The following OSBPL2 variants were observed in gnomAD, a reference collection of about 807,000 sequenced individuals.
OSBPL2 encodes the protein oxysterol-binding protein-related protein 2.
OSBPL2 carries 18 observed loss-of-function variants against 58.4 expected under a neutral mutation model. The observed-to-expected ratio is 0.31, with a 90% CI of 0.21 to 0.46. The LOEUF is 0.46. Ranked by LOEUF, OSBPL2 falls within the 20% of genes least tolerant of loss-of-function variation. The probability of loss-of-function intolerance (pLI) is 1.00; values close to 1 mark genes in which losing one functional copy is unlikely to be tolerated. For missense variants in OSBPL2, 461 were observed against 616.5 expected (o/e 0.75, Z 2.67); for synonymous variants, 221 against 234.1 (o/e 0.94, Z 0.51).
intron 1 of OSBPL2, among the ~76,000 whole-genome samples, chr20:62,245,731 C>G (rs1980060868): frequency 6.6e-6 from 1 of 152,224 alleles, no homozygotes; most frequent in Non-Finnish European, 1.5e-5. Context: ...GTGCCTCACT[C>G]GTGACGGGCT....
At chr20:62,254,902 A>G (rs913844251) in intron 1 of OSBPL2, among the ~76,000 whole-genome samples, 3 of 152,206 alleles carry the variant, frequency 2.0e-5, no homozygotes, top group South Asian at 2.1e-4. Context: ...AGCAGCCTCA[A>G]TTCTCTAGAA....
At chr20:62,262,740 C>CT (rs1427597338) in intron 3 of OSBPL2, among the ~76,000 whole-genome samples, 4 of 152,228 alleles carry the variant, frequency 2.6e-5, no homozygotes, top group Admixed American at 6.5e-5. Flanking sequence ...TTTCATCACT[C>CT]TGGAGGTCAG....
At chr20:62,239,496 C>A (rs1308869383) in intron 1 of OSBPL2, among the ~76,000 whole-genome samples, 1 of 152,190 alleles carries the variant, frequency 6.6e-6, no homozygotes, top group Non-Finnish European at 1.5e-5. Flanking sequence ...AGGGGCGTTT[C>A]TATCTGAACC....
intron 1 of OSBPL2, among the ~76,000 whole-genome samples, chr20:62,249,893 G>C (rs944834024): frequency 6.6e-6 from 1 of 152,222 alleles, no homozygotes; most frequent in Non-Finnish European, 1.5e-5. Flanking sequence ...CCTCTGAGAA[G>C]TCCAGGGGTG....
intron 1 of OSBPL2, among the ~76,000 whole-genome samples, chr20:62,246,406 G>C (rs1340033421): frequency 2.0e-5 from 3 of 152,240 alleles, no homozygotes; most frequent in African/African-American, 7.2e-5. Flanking sequence ...TCTAAGCTCA[G>C]CTCTGAAGCT....
chr20:62,245,560 C>G (rs1980049930), intron 1 of OSBPL2, among the ~76,000 whole-genome samples: 1 of 152,226 alleles, frequency 6.6e-6, no homozygotes, highest in Non-Finnish European at 1.5e-5. Flanking sequence ...TGGTTCTGTG[C>G]TCAGAAGGGC....
intron 1 of OSBPL2, among the ~76,000 whole-genome samples, chr20:62,252,245 A>G (rs548424326): frequency 3.3e-5 from 5 of 152,072 alleles, no homozygotes; most frequent in Non-Finnish European, 7.4e-5. Flanking sequence ...TCAATTGCAC[A>G]CATGTAACAT....
intron 1 of OSBPL2, among the ~76,000 whole-genome samples, chr20:62,255,649 G>A (rs1209388289): frequency 1.3e-5 from 2 of 152,072 alleles, no homozygotes; most frequent in South Asian, 2.1e-4. Context: ...GACTATAGGC[G>A]TGCGCCACCA....
At chr20:62,249,948 C>T (rs546851709) in intron 1 of OSBPL2, among the ~76,000 whole-genome samples, 6 of 152,318 alleles carry the variant, frequency 3.9e-5, no homozygotes, top group South Asian at 2.1e-4. Flanking sequence ...CTGGGGCAGG[C>T]GCTCCTCGAC....
intron 1 of OSBPL2, among the ~76,000 whole-genome samples, chr20:62,254,293 G>A (rs1980775138): frequency 6.6e-6 from 1 of 152,226 alleles, no homozygotes; most frequent in Admixed American, 6.5e-5. Flanking sequence ...CAGCTTCCTT[G>A]CTACCATGGC....
intron 11 of OSBPL2, among the ~76,000 whole-genome samples, chr20:62,287,666 G>C (rs187203530): frequency 6.6e-6 from 1 of 152,272 alleles, no homozygotes; most frequent in Admixed American, 6.5e-5. Flanking sequence ...ATGTTGCCCA[G>C]GCTGGTCTCG....
intron 1 of OSBPL2, among the ~76,000 whole-genome samples, chr20:62,252,694 T>G (rs571630887): frequency 1.3e-5 from 2 of 152,250 alleles, no homozygotes; most frequent in South Asian, 4.1e-4. Context: ...TAAGGAAAGG[T>G]CGTTTAATTA....
At chr20:62,250,539 C>T (rs6062168) in intron 1 of OSBPL2, among the ~76,000 whole-genome samples, 64,523 of 152,000 alleles carry the variant, frequency 0.42, 13,783 homozygotes, top group East Asian at 0.45. Context: ...TGTCTGGCAT[C>T]TTAATCCTCA....
intron 1 of OSBPL2, among the ~76,000 whole-genome samples, chr20:62,247,705 C>T (rs547811670): frequency 1.1e-3 from 169 of 147,074 alleles, no homozygotes; most frequent in African/African-American, 4.1e-3. Context: ...CTCGCTCTGT[C>T]GCCCAGGCTG....
intron 12 of OSBPL2, 74 bp from the exon 13 acceptor site, chr20:62,291,629 T>G: frequency 8.3e-7 from 1 of 1,206,466 alleles, no homozygotes; most frequent in Non-Finnish European, 1.2e-6. Context: ...CAACTAGAGA[T>G]CTAGGTGCAT....
In OSBPL2 at chr20:62,289,256, G is replaced by T; in HGVS notation, c.1175G>T (p.Gly392Val). The change falls in exon 12 of 14, where the codon GGC becomes GTC. Residue 392 changes from glycine to valine, a missense_variant. Transcript: ENST00000313733. ...FTVSLNELET[G>V]MEKTLPPTDC... ...GTGAGCCTCAACGAGCTGGAGACAG[G>T]CATGGAGAAGACCCTGCCACCCACG... The T allele has an allele frequency of 6.2e-7, 1 of 1,613,846 alleles. No homozygotes were observed. The highest frequency in any genetic ancestry group is 8.5e-7 in the Non-Finnish European group (1 of 1,179,876).
intron 11 of OSBPL2, 134 bp downstream of exon 11, chr20:62,286,845 AG>A: frequency 9.5e-7 from 1 of 1,057,506 alleles, no homozygotes; most frequent in Non-Finnish European, 1.3e-6. Flanking sequence ...CAGAGCAGAC[AG>A]GGGCCTCCGC....
chr20:62,278,861 A>G (rs1982590182), intron 6 of OSBPL2: 1 of 336,646 alleles, frequency 3.0e-6, no homozygotes, highest in East Asian at 5.8e-5. Context: ...GTGCGATGTC[A>G]TGTTTGTGTG....
chr20:62,283,629 T>G (rs2145969780), intron 9 of OSBPL2, among the ~76,000 whole-genome samples: 2 of 152,314 alleles, frequency 1.3e-5, no homozygotes, highest in South Asian at 4.1e-4. Context: ...ACATTGAGTG[T>G]GTTGAAAATG....
Sources: allele counts gnomAD v4.1 joint callset (sites outside exome capture counted in the v4.1 genomes callset), GRCh38; gene constraint gnomAD v4.1.1; transcripts MANE v1.5; gene names NCBI Gene and HGNC (gene_info 2026-07-23, HGNC 2026-07-21).